The following SAFB2 variants were observed in gnomAD, a reference collection of about 807,000 sequenced individuals.
SAFB2 encodes the protein scaffold attachment factor B2.
SAFB2 carries 32 observed loss-of-function variants against 100.6 expected under a neutral mutation model. The observed-to-expected ratio is 0.32, with a 90% CI of 0.24 to 0.43. SAFB2 has a LOEUF of 0.43. Ranked by LOEUF, SAFB2 falls within the 20% of genes least tolerant of loss-of-function variation. The pLI, the probability that SAFB2 is intolerant of heterozygous loss-of-function variation, is 1.00. For synonymous variants in SAFB2, 500 were observed against 439.4 expected, an observed-to-expected ratio of 1.14 and a Z score of -1.72; for missense variants, 1,185 against 1,163.4, an observed-to-expected ratio of 1.02 and a Z score of -0.27.
chr19:5,619,017 T>C (rs1184401989), intron 2 of SAFB2, among the ~76,000 whole-genome samples: 1 of 152,184 alleles, frequency 6.6e-6, no homozygotes, highest in Admixed American at 6.5e-5. Context: ...GCTACTTCAG[T>C]TTTTGCAAGG....
intron 11 of SAFB2, among the ~76,000 whole-genome samples, chr19:5,603,180 T>G (rs1403672297): frequency 1.3e-5 from 2 of 151,726 alleles, no homozygotes; most frequent in African/African-American, 4.8e-5. Flanking sequence ...AGGTGGGAGG[T>G]TCACTTGGGC....
In SAFB2 at chr19:5,621,377, T is replaced by C. The variant is rs1186296287; in HGVS notation, c.206A>G (p.Gln69Arg). Reference sequence around the variant, plus strand: ...CTCGATGCCAATTTCATCAGGATCTTGCCCCTCTTCTTTAACCGCCTATTA... The same window carrying C: ...CTCGATGCCAATTTCATCAGGATCTCGCCCCTCTTCTTTAACCGCCTATTA... ...RLKKAVKEEG[Q>R]DPDEIGIELE... Residue 69 changes from glutamine (Q) to arginine (R), a missense_variant, in exon 2 of 21, where the codon CAA becomes CGA. Gln to Arg is a conservative substitution (Grantham distance 43, BLOSUM62 1). Coordinates refer to ENST00000252542, the MANE Select transcript of SAFB2 (RefSeq NM_014649.3). 1.9e-6 allele frequency: 3 copies of C among 1,613,146 alleles called. No homozygotes were observed. The African/African-American group carries it at 4.0e-5, about 22-fold the overall frequency.
At chr19:5,606,105 AAT>A (rs2052769119) in intron 9 of SAFB2, among the ~76,000 whole-genome samples, 1 of 152,202 alleles carries the variant, frequency 6.6e-6, no homozygotes, top group South Asian at 2.1e-4. Flanking sequence ...TGCTCTTCCC[AAT>A]AGCCAGGGTG....
intron 13 of SAFB2, among the ~76,000 whole-genome samples, chr19:5,597,945 C>T (rs961159802): frequency 6.6e-5 from 10 of 152,002 alleles, no homozygotes; most frequent in East Asian, 3.9e-4. Context: ...GCCTGGCCAA[C>T]GTGGCAAAAT....
At position 5,587,782 on chromosome 19, in the gene SAFB2, G is replaced by C; in HGVS notation, c.2639-15C>G. 6.4e-7 allele frequency: 1 copy of C among 1,553,572 alleles called. No individual in the cohort carries two copies. The highest frequency in any genetic ancestry group is 8.7e-7 in the Non-Finnish European group (1 of 1,148,304). ...CCTCTCGCCACCTAGAAGAGAAGAA[G>C]GGTCTGCAAACACTCCGTTCCTGGG... is the stretch of plus-strand genomic sequence containing the variant. On this transcript the variant is annotated splice_polypyrimidine_tract_variant and intron_variant, in intron 19 of 20. Coordinates refer to ENST00000252542, the MANE Select transcript of SAFB2 (RefSeq NM_014649.3). This position sits in a 1 kb window ranked among gnomAD's most constrained non-coding sequence, Gnocchi z 4.9.
chr19:5,602,047 C>T (rs2052669666), intron 11 of SAFB2, among the ~76,000 whole-genome samples: 1 of 152,136 alleles, frequency 6.6e-6, no homozygotes, highest in South Asian at 2.1e-4. Flanking sequence ...TTCACAAGGC[C>T]AACCACTAAT....
chr19:5,594,332 C>G, intron 14 of SAFB2, 154 bp from the exon 15 acceptor site: 1 of 463,638 alleles, frequency 2.2e-6, no homozygotes, highest in Non-Finnish European at 2.8e-6. Flanking sequence ...AGGGGGTTAC[C>G]TTACTTAACA....
intron 17 of SAFB2, among the ~76,000 whole-genome samples, 180 bp from the exon 18 acceptor site, chr19:5,590,588 CCCT>C (rs1245897356): frequency 2.0e-5 from 3 of 152,152 alleles, no homozygotes; most frequent in Admixed American, 2.0e-4. Context: ...TCCCTGGCTC[CCCT>C]CCTCGCACCC....
intron 11 of SAFB2, among the ~76,000 whole-genome samples, chr19:5,603,364 T>C (rs937043644): frequency 5.3e-5 from 8 of 152,254 alleles, no homozygotes; most frequent in Non-Finnish European, 8.8e-5. Context: ...AGTTCAACTA[T>C]GTCCACAGAC....
intron 9 of SAFB2, among the ~76,000 whole-genome samples, chr19:5,608,106 T>G (rs187583848): frequency 1.3e-3 from 192 of 152,358 alleles, no homozygotes; most frequent in Middle Eastern, 6.8e-3. Context: ...GTCAAGTAGC[T>G]GAGTGGTGTC....
chr19:5,620,867 G>T (rs188206935), intron 2 of SAFB2, among the ~76,000 whole-genome samples: 1 of 152,248 alleles, frequency 6.6e-6, no homozygotes, highest in East Asian at 1.9e-4. Context: ...GTAAAAAATA[G>T]GCTGAGTGCA....
At chr19:5,609,806 G>A (rs572858001) in intron 9 of SAFB2, among the ~76,000 whole-genome samples, 189 bp downstream of exon 9, 14 of 152,180 alleles carry the variant, frequency 9.2e-5, no homozygotes, top group Admixed American at 5.2e-4. Context: ...CGCTGCTGTC[G>A]TTCCATTTTT....
chr19:5,621,502 A>G, intron 1 of SAFB2, 106 bp from the exon 2 acceptor site: 4 of 788,662 alleles, frequency 5.1e-6, no homozygotes, highest in Non-Finnish European at 8.9e-6. Flanking sequence ...CCGTCCTTGC[A>G]AAGAGCAACT....
At chr19:5,619,843 C>T (rs1274462139) in intron 2 of SAFB2, among the ~76,000 whole-genome samples, 3 of 144,230 alleles carry the variant, frequency 2.1e-5, no homozygotes, top group African/African-American at 5.2e-5. Context: ...AAAACTCCAT[C>T]GCAAAAAAAA....
rs1166753136 is a variant in SAFB2 at position 5,604,811 on chromosome 19, A to G, written c.1422T>C (p.His474=). Reference sequence around the variant, plus strand: ...CCTTCTCTACGGAGATCATTCGTCCATGCAGCTCAGTTCTGTGGAGATGGC... The same window carrying G: ...CCTTCTCTACGGAGATCATTCGTCCGTGCAGCTCAGTTCTGTGGAGATGGC... The part of the protein sequence containing the change: ...CISHLHRTEL[H]GRMISVEKAK... The change falls in exon 10 of 21, where the codon CAT becomes CAC. Residue 474 remains histidine (H), a synonymous_variant. Coordinates refer to ENST00000252542, the MANE Select transcript of SAFB2 (RefSeq NM_014649.3). The G allele has an allele frequency of 1.2e-6, 2 of 1,614,158 alleles. No homozygotes were observed. The highest frequency in any genetic ancestry group is 4.5e-5 in the East Asian group (2 of 44,862).
At chr19:5,616,851 C>T in intron 2 of SAFB2, among the ~76,000 whole-genome samples, 1 of 151,832 alleles carries the variant, frequency 6.6e-6, no homozygotes, top group East Asian at 1.9e-4. Context: ...GGGGTTTCAC[C>T]ATATTGGCCA....
In SAFB2 at chr19:5,587,527, A is replaced by G; in HGVS notation, c.2706-128T>C. 6.8e-7 allele frequency: 1 copy of G among 1,475,950 alleles called. No individual in the cohort carries two copies. The highest frequency in any genetic ancestry group is 9.0e-7 in the Non-Finnish European group (1 of 1,107,640). The allele number at this position is 1,475,950 out of a possible 1,614,324, so 91.4% of individuals were successfully genotyped here. A position where few individuals can be genotyped will look rare whatever the true frequency, so the allele number is the denominator to read the frequency against. On this transcript the variant is annotated intron_variant, in intron 20 of 20. Coordinates refer to ENST00000252542, the MANE Select transcript of SAFB2 (RefSeq NM_014649.3). This position sits in a 1 kb window ranked among gnomAD's most constrained non-coding sequence, Gnocchi z 4.9. The stretch of plus-strand genomic sequence containing the variant: ...TTTTTTCCAGGTGAGAAAAATCATC[A>G]TCGCACATTGTATTCCAGGTAACTC...
In SAFB2 at chr19:5,593,967, C is replaced by T. The variant is rs1247823804; in HGVS notation, c.2131G>A (p.Glu711Lys). Residue 711 changes from glutamate to lysine, a missense_variant, in exon 15 of 21, where the codon GAG becomes AAG. Transcript: ENST00000252542. ...AGCTGCTCCTGCTGGCGCCGCAGCT[C>T]CTCGCGCTCGCGGTGGATGCGCTCC... ...EQERIHREREELRRQQEQLRY... is the reference protein window; with the variant it reads ...EQERIHREREKLRRQQEQLRY... The T allele has an allele frequency of 1.3e-6, 2 of 1,552,946 alleles. No individual in the cohort carries two copies. The highest frequency in any genetic ancestry group is 1.4e-5 in the African/African-American group (1 of 72,964).
Position 5,587,614 on chromosome 19 carries a change from C to A in SAFB2, c.2705+87G>T. 2 of 1,472,638 alleles carry A rather than the reference C, an allele frequency of 1.4e-6. No individual in the cohort carries two copies. The highest frequency in any genetic ancestry group is 1.8e-6 in the Non-Finnish European group (2 of 1,102,818). The allele number at this position is 1,472,638 out of a possible 1,614,324, so 91.2% of individuals were successfully genotyped here. The stretch of plus-strand genomic sequence containing the variant: ...TTTGCTTTGTTTTCATAACATCCAA[C>A]CCAGCCAGCTGATCAAACATGCAAA... On this transcript the variant is annotated intron_variant, in intron 20 of 20. Coordinates refer to ENST00000252542, the MANE Select transcript of SAFB2 (RefSeq NM_014649.3). The surrounding 1 kb of genome is among the most constrained non-coding windows in gnomAD (Gnocchi z 4.9).
Sources: gnomAD v4.1 joint callset for allele counts (sites outside exome capture counted in the v4.1 genomes callset) on GRCh38, gnomAD v4.1.1 for gene constraint, Gnocchi (gnomAD v3.1) non-coding constraint, MANE v1.5 for transcripts, NCBI Gene and HGNC (gene_info 2026-07-23, HGNC 2026-07-21) for gene names.